The following SLC25A26 variants were observed in gnomAD, a reference collection of about 807,000 sequenced individuals.
SLC25A26 encodes solute carrier family 25 member 26, also known as mitochondrial S-adenosylmethionine carrier protein.
In SLC25A26, 36 loss-of-function variants were observed where a neutral mutation model predicts 37.8. That is an observed-to-expected ratio of 0.95 (90% CI 0.73 to 1.26). The LOEUF is 1.26. Among genes scored for constraint, SLC25A26 ranks in the 50% most tolerant of loss-of-function variants. The probability of loss-of-function intolerance (pLI) is 0.00; values close to 1 mark genes in which losing one functional copy is unlikely to be tolerated. For synonymous variants in SLC25A26, 129 were observed against 122.5 expected (o/e 1.05, Z -0.35); for missense variants, 390 against 331.1 (o/e 1.18, Z -1.38).
chr3:66,266,975 A>G (rs1423996714), intron 5 of SLC25A26, among the ~76,000 whole-genome samples: 2 of 152,184 alleles, frequency 1.3e-5, no homozygotes, highest in Non-Finnish European at 2.9e-5. Context: ...GAATTAGTTA[A>G]ACTTAGCAGA....
intron 1 of SLC25A26, among the ~76,000 whole-genome samples, chr3:66,175,140 T>TATATATATATATACAC (rs1413714739): frequency 7.5e-4 from 50 of 66,950 alleles, no homozygotes; most frequent in African/African-American, 3.1e-3. Context: ...TATATATATA[T>TATATATATATATACAC]ACACACACAC....
intron 1 of SLC25A26, among the ~76,000 whole-genome samples, chr3:66,228,992 T>A (rs1553662057): frequency 6.6e-6 from 1 of 152,192 alleles, no homozygotes; most frequent in Non-Finnish European, 1.5e-5. Flanking sequence ...AATTTACAGA[T>A]TTTAATATAT....
At chr3:66,257,976 G>T (rs937855563) in intron 3 of SLC25A26, among the ~76,000 whole-genome samples, 6 of 152,208 alleles carry the variant, frequency 3.9e-5, no homozygotes, top group Admixed American at 3.9e-4. Flanking sequence ...TGCACATCAA[G>T]TAGGGTGCTT....
chr3:66,228,271 G>T (rs1050487383), intron 1 of SLC25A26, among the ~76,000 whole-genome samples: 1 of 152,218 alleles, frequency 6.6e-6, no homozygotes, highest in African/African-American at 2.4e-5. Flanking sequence ...ACCCACAGAT[G>T]GGACTACCTT....
intron 1 of SLC25A26, among the ~76,000 whole-genome samples, chr3:66,165,279 G>A (rs949232907): frequency 6.6e-6 from 1 of 152,194 alleles, no homozygotes; most frequent in African/African-American, 2.4e-5. Context: ...CTGCAATGCT[G>A]GCTGATATCT....
intron 1 of SLC25A26, among the ~76,000 whole-genome samples, chr3:66,225,236 G>T (rs782542439): frequency 1.3e-5 from 2 of 152,088 alleles, no homozygotes; most frequent in African/African-American, 4.8e-5. Context: ...AGCACACCTC[G>T]GCCTGGACAT....
intron 1 of SLC25A26, among the ~76,000 whole-genome samples, chr3:66,142,359 T>C (rs1208373454): frequency 6.6e-6 from 1 of 152,262 alleles, no homozygotes; most frequent in Non-Finnish European, 1.5e-5. Context: ...CCCTAAAATA[T>C]GGCACCTTGG....
At chr3:66,166,720 C>T (rs1293850624) in intron 1 of SLC25A26, among the ~76,000 whole-genome samples, 1 of 152,132 alleles carries the variant, frequency 6.6e-6, no homozygotes, top group Non-Finnish European at 1.5e-5. Flanking sequence ...TACCCCCAAC[C>T]CTAATTCCAT....
At chr3:66,237,181 T>C (rs1456715477) in intron 2 of SLC25A26, among the ~76,000 whole-genome samples, 1 of 152,216 alleles carries the variant, frequency 6.6e-6, no homozygotes, top group Non-Finnish European at 1.5e-5. Flanking sequence ...ATAGATTCCA[T>C]TTCAATATAT....
At chr3:66,183,725 C>T (rs1204822355) in intron 1 of SLC25A26, among the ~76,000 whole-genome samples, 1 of 152,016 alleles carries the variant, frequency 6.6e-6, no homozygotes, top group Non-Finnish European at 1.5e-5. Flanking sequence ...TGACCCTTAA[C>T]CTGAACCTCA....
chr3:66,317,771 A>G (rs1304317217), intron 5 of SLC25A26, among the ~76,000 whole-genome samples: 3 of 152,184 alleles, frequency 2.0e-5, no homozygotes, highest in Non-Finnish European at 2.9e-5. Context: ...GGCTCCTGTC[A>G]GGGATATCAG....
chr3:66,230,210 T>G (rs1046849302), intron 1 of SLC25A26, among the ~76,000 whole-genome samples: 3 of 152,188 alleles, frequency 2.0e-5, no homozygotes, highest in Non-Finnish European at 2.9e-5. Context: ...GTTTCTACTC[T>G]GAAGGATCTA....
chr3:66,318,736 A>T (rs2075611220), intron 5 of SLC25A26, among the ~76,000 whole-genome samples: 1 of 151,894 alleles, frequency 6.6e-6, no homozygotes. Flanking sequence ...ATCATAGCTC[A>T]CTACAGCCTC....
At chr3:66,251,392 T>G (rs1470104376) in intron 3 of SLC25A26, among the ~76,000 whole-genome samples, 7 of 152,180 alleles carry the variant, frequency 4.6e-5, no homozygotes, top group Non-Finnish European at 8.8e-5. Context: ...TCAGGAGCCC[T>G]TCCAGCGACA....
intron 3 of SLC25A26, among the ~76,000 whole-genome samples, chr3:66,245,280 A>G (rs2072780847): frequency 6.6e-6 from 1 of 151,802 alleles, no homozygotes; most frequent in Admixed American, 6.6e-5. Flanking sequence ...AAACCTCAAA[A>G]CTAATGCAGA....
chr3:66,327,943 C>T (rs370068290), intron 5 of SLC25A26, among the ~76,000 whole-genome samples: 8 of 150,462 alleles, frequency 5.3e-5, no homozygotes, highest in Non-Finnish European at 7.4e-5. Flanking sequence ...AAAGGAGTGG[C>T]GGAATTGGAA....
chr3:66,329,100 C>T (rs147739765), intron 5 of SLC25A26, among the ~76,000 whole-genome samples: 24 of 152,214 alleles, frequency 1.6e-4, no homozygotes, highest in Non-Finnish European at 2.5e-4. Context: ...ATTTTAAAGA[C>T]GTGAAATATG....
intron 5 of SLC25A26, among the ~76,000 whole-genome samples, chr3:66,340,539 G>T (rs2076186485): frequency 6.6e-6 from 1 of 151,964 alleles, no homozygotes; most frequent in Non-Finnish European, 1.5e-5. Context: ...TTTATGGATT[G>T]AGCTTTTATC....
At chr3:66,319,679 G>T (rs1235857937) in intron 5 of SLC25A26, among the ~76,000 whole-genome samples, 2 of 146,580 alleles carry the variant, frequency 1.4e-5, no homozygotes, top group African/African-American at 5.0e-5. Context: ...CAAAAAAAAT[G>T]ATACATCTTC....
Sources: allele counts gnomAD v4.1 joint callset (sites outside exome capture counted in the v4.1 genomes callset), GRCh38; gene constraint gnomAD v4.1.1; transcripts MANE v1.5; gene names NCBI Gene and HGNC (gene_info 2026-07-23, HGNC 2026-07-21).